The following CBLB variants were observed in gnomAD, a reference collection of about 807,000 sequenced individuals.
CBLB encodes the protein Cbl proto-oncogene B.
CBLB carries 31 observed loss-of-function variants against 104.9 expected under a neutral mutation model. The observed-to-expected ratio is 0.30, with a 90% confidence interval of 0.22 to 0.40. The LOEUF is 0.40. CBLB is among the 10% of genes least tolerant of loss of function. The pLI is 1.00. For synonymous variants in CBLB, 440 were observed against 422.6 expected (o/e 1.04, Z -0.51); for missense variants, 1,062 against 1,214.6 (o/e 0.87, Z 1.87).
At chr3:105,786,010 T>C (rs867628418) in intron 3 of CBLB, among the ~76,000 whole-genome samples, 13 of 130,130 alleles carry the variant, frequency 1.0e-4, no homozygotes, top group African/African-American at 3.4e-4. Flanking sequence ...ATGGGAGACA[T>C]TGCAGTGAGT....
At chr3:105,691,643 C>T (rs1254177727) in intron 13 of CBLB, among the ~76,000 whole-genome samples, 1 of 152,130 alleles carries the variant, frequency 6.6e-6, no homozygotes, top group Non-Finnish European at 1.5e-5. Flanking sequence ...GCACATATAT[C>T]CAGAGTTCAT....
intron 4 of CBLB, among the ~76,000 whole-genome samples, chr3:105,764,947 A>G (rs1300725595): frequency 6.6e-6 from 1 of 152,220 alleles, no homozygotes; most frequent in African/African-American, 2.4e-5. Flanking sequence ...ACTCGCTTCA[A>G]TTCTGTGAAG....
rs1415332817 is a variant in CBLB at position 105,776,526 on chromosome 3, G to A, written c.436C>T (p.Leu146=). Residue 146 remains leucine, a synonymous_variant, in exon 4 of 19, where the codon CTG becomes TTG. Transcript: ENST00000394030. ...QSQDRRNLTK[L]SLIFSHMLAE... ...AGCATGTGACTGAAGATAAGGGACA[G>A]TTTTGTGAGATTTCGTCTGTAGGCA... 6.2e-7 allele frequency: 1 copy of A among 1,613,754 alleles called. No homozygotes were observed. Among genetic ancestry groups the A allele is most frequent in the Admixed American group, 1.7e-5 (1 of 60,018 alleles).
At chr3:105,773,191 G>A (rs2079066739) in intron 4 of CBLB, among the ~76,000 whole-genome samples, 1 of 152,174 alleles carries the variant, frequency 6.6e-6, no homozygotes, top group South Asian at 2.1e-4. Context: ...TTACACCATG[G>A]ACTATTACTC....
At chr3:105,760,616 C>A (rs563344296) in intron 4 of CBLB, among the ~76,000 whole-genome samples, 37 of 139,512 alleles carry the variant, frequency 2.7e-4, no homozygotes, top group Admixed American at 2.3e-3. Context: ...CTCAGAATTA[C>A]AAACAAAAAA....
intron 3 of CBLB, among the ~76,000 whole-genome samples, chr3:105,788,174 A>G (rs557758316): frequency 6.6e-6 from 1 of 152,340 alleles, no homozygotes; most frequent in Admixed American, 6.5e-5. Context: ...CTTTTACCAC[A>G]TGATGGCTCC....
intron 18 of CBLB, among the ~76,000 whole-genome samples, chr3:105,668,276 GTAATGCTAATAGGGA>G (rs1559745809): frequency 6.6e-6 from 1 of 152,170 alleles, no homozygotes; most frequent in Non-Finnish European, 1.5e-5. Flanking sequence ...CATTTCTAGT[GTAATGCTAATAGGGA>G]TTCATACTGC....
Position 105,662,975 on chromosome 3 carries a change from CTA to C in CBLB, c.2690-3748_2690-3747del, listed in dbSNP as rs1576108188. Among the ~76,000 whole-genome samples the C allele has an allele frequency of 1.1e-4, 16 of 152,304 alleles. No individual in the cohort carries two copies. The East Asian group carries it at 3.1e-3, about 29-fold the overall frequency. On this transcript the variant is annotated intron_variant, in intron 18 of 18. Coordinates refer to ENST00000394030, the MANE Select transcript of CBLB (RefSeq NM_170662.5). ...CTACTGTTACTACTTGAGACCTTCA[CTA>C]CAACAGTTACTGCTGTTACTACTTG...
At chr3:105,663,841 C>G (rs565620744) in intron 18 of CBLB, among the ~76,000 whole-genome samples, 16 of 150,326 alleles carry the variant, frequency 1.1e-4, no homozygotes, top group African/African-American at 3.7e-4. Flanking sequence ...ACCTCTATCT[C>G]TATGTCTACT....
intron 4 of CBLB, among the ~76,000 whole-genome samples, chr3:105,756,278 T>C (rs918942762): frequency 1.3e-5 from 2 of 152,170 alleles, no homozygotes; most frequent in African/African-American, 4.8e-5. Flanking sequence ...AAATTGAACA[T>C]GGTTGCTGAA....
chr3:105,788,975 AG>A (rs1459830176), intron 3 of CBLB, among the ~76,000 whole-genome samples: 1 of 152,206 alleles, frequency 6.6e-6, no homozygotes, highest in Admixed American at 6.5e-5. Context: ...ACCAAATGCT[AG>A]GCATGACAGT....
intron 5 of CBLB, among the ~76,000 whole-genome samples, chr3:105,748,149 AT>A (rs1291420159): frequency 6.6e-6 from 1 of 152,128 alleles, no homozygotes; most frequent in Non-Finnish European, 1.5e-5. Flanking sequence ...GATTGAAGAA[AT>A]TTTTTTGTGT....
chr3:105,748,457 C>A (rs2076308808), intron 5 of CBLB, among the ~76,000 whole-genome samples: 1 of 152,114 alleles, frequency 6.6e-6, no homozygotes, highest in Admixed American at 6.5e-5. Flanking sequence ...ATCCTGCTAC[C>A]CCCAAATGTA....
intron 3 of CBLB, among the ~76,000 whole-genome samples, chr3:105,838,279 T>G (rs13062064): frequency 6.8e-5 from 6 of 88,300 alleles, no homozygotes; most frequent in Admixed American, 3.9e-4. Flanking sequence ...TTTTTTTTTG[T>G]AGAGATGGGG....
chr3:105,726,702 T>G (rs1339168310), intron 9 of CBLB, among the ~76,000 whole-genome samples: 1 of 152,112 alleles, frequency 6.6e-6, no homozygotes, highest in Non-Finnish European at 1.5e-5. Context: ...ATCCCTCCCC[T>G]TGCCCCCCAG....
At chr3:105,850,719 C>T (rs1050246246) in intron 3 of CBLB, among the ~76,000 whole-genome samples, 10 of 152,122 alleles carry the variant, frequency 6.6e-5, no homozygotes, top group Admixed American at 5.2e-4. Flanking sequence ...TGGTTGATGT[C>T]AATTCAGTCT....
At chr3:105,735,554 C>T (rs974026586) in intron 8 of CBLB, among the ~76,000 whole-genome samples, 5 of 151,914 alleles carry the variant, frequency 3.3e-5, no homozygotes, top group African/African-American at 1.2e-4. Flanking sequence ...TTTTTAATGG[C>T]TTTATAAAGA....
chr3:105,840,386 GAA>G (rs79908581), intron 3 of CBLB, among the ~76,000 whole-genome samples: 7 of 143,866 alleles, frequency 4.9e-5, no homozygotes, highest in African/African-American at 7.6e-5. Flanking sequence ...CATCGTGTTA[GAA>G]AAAAAAAAAA....
chr3:105,859,744 A>G (rs772741936), intron 2 of CBLB, among the ~76,000 whole-genome samples: 2 of 151,578 alleles, frequency 1.3e-5, no homozygotes, highest in Admixed American at 6.6e-5. Flanking sequence ...GACCTAAAGT[A>G]TATATATATC....
Sources: gnomAD v4.1 joint callset for allele counts (sites outside exome capture counted in the v4.1 genomes callset) on GRCh38, gnomAD v4.1.1 for gene constraint, MANE v1.5 for transcripts, NCBI Gene and HGNC (gene_info 2026-07-23, HGNC 2026-07-21) for gene names.